Variants in DAB1 observed in about 807,000 individuals in gnomAD.
DAB1 encodes the protein disabled homolog 1.
In DAB1, 15 loss-of-function variants were observed where a neutral mutation model predicts 64.6. That is an observed-to-expected ratio of 0.23 (90% CI 0.16 to 0.36). DAB1 has a LOEUF of 0.36. Among genes scored for constraint, DAB1 ranks in the 10% least tolerant of loss-of-function variants. The pLI, the probability that DAB1 is intolerant of heterozygous loss-of-function variation, is 1.00. For synonymous variants in DAB1, 235 were observed against 251.9 expected, an observed-to-expected ratio of 0.93 and a Z score of 0.64; for missense variants, 596 against 706.7, an observed-to-expected ratio of 0.84 and a Z score of 1.78.
At chr1:57,895,170 G>C (rs1644374440) in intron 5 of DAB1, among the ~76,000 whole-genome samples, 1 of 152,076 alleles carries the variant, frequency 6.6e-6, no homozygotes, top group Admixed American at 6.6e-5. Flanking sequence ...AGTCTAATGG[G>C]TAACTATGGG....
chr1:58,139,279 A>G (rs1292520745), intron 5 of DAB1, among the ~76,000 whole-genome samples: 3 of 152,138 alleles, frequency 2.0e-5, no homozygotes, highest in Non-Finnish European at 4.4e-5. Flanking sequence ...TCTGCCACCC[A>G]TGATGTTTAC....
chr1:57,355,373 G>A (rs536247874), intron 1 of DAB1, among the ~76,000 whole-genome samples: 15 of 132,466 alleles, frequency 1.1e-4, no homozygotes, highest in South Asian at 2.4e-4. Flanking sequence ...TCCTTCCTTC[G>A]TTCCTTCCTT....
chr1:57,980,982 C>G (rs1458790648), intron 5 of DAB1, among the ~76,000 whole-genome samples: 4 of 151,254 alleles, frequency 2.6e-5, no homozygotes, highest in African/African-American at 4.9e-5. Context: ...GAGATAGATA[C>G]ATACATACAT....
intron 1 of DAB1, among the ~76,000 whole-genome samples, chr1:57,304,195 G>A (rs1673935491): frequency 6.6e-6 from 1 of 152,144 alleles, no homozygotes; most frequent in African/African-American, 2.4e-5. Flanking sequence ...GTGAAAACAG[G>A]AGCAGGAGAG....
At chr1:57,724,786 C>A (rs1647189905) in intron 6 of DAB1, among the ~76,000 whole-genome samples, 1 of 152,150 alleles carries the variant, frequency 6.6e-6, no homozygotes, top group African/African-American at 2.4e-5. Context: ...ACCAAGCTTG[C>A]CTGCTTCCCT....
Position 57,305,408 on chromosome 1 carries a change from C to T in DAB1, c.-136-14242G>A, listed in dbSNP as rs184910105. 2.2e-3 allele frequency among the ~76,000 whole-genome samples: 330 copies of T among 152,288 alleles called. 1 individual carries two copies. The highest frequency in any genetic ancestry group is 7.7e-3 in the African/African-American group (321 of 41,574). On this transcript the variant is annotated intron_variant, in intron 1 of 14. Transcript: ENST00000371236. ...GCCTCCTGCTAGGACCCAGCACTGG[C>T]TAATCCCCGTAAGTGGCCAAAGGGT...
chr1:57,479,097 A>T (rs1209665080), intron 7 of DAB1, among the ~76,000 whole-genome samples: 1 of 152,208 alleles, frequency 6.6e-6, no homozygotes, highest in Non-Finnish European at 1.5e-5. Context: ...TACAAAAAAA[A>T]AACTTTTCTT....
At chr1:57,506,334 C>T (rs1032135557) in intron 7 of DAB1, among the ~76,000 whole-genome samples, 1 of 151,182 alleles carries the variant, frequency 6.6e-6, no homozygotes, top group Non-Finnish European at 1.5e-5. Context: ...GTTTCCTGAT[C>T]AGTTTTGCTT....
intron 3 of DAB1, among the ~76,000 whole-genome samples, chr1:58,417,734 C>G (rs1252815039): frequency 6.6e-6 from 1 of 152,172 alleles, no homozygotes; most frequent in Non-Finnish European, 1.5e-5. Flanking sequence ...GCCACAGATG[C>G]CACTTAGTGC....
intron 1 of DAB1, among the ~76,000 whole-genome samples, chr1:57,877,991 C>A (rs1013816412): frequency 2.6e-5 from 4 of 152,170 alleles, no homozygotes; most frequent in Non-Finnish European, 5.9e-5. Context: ...CTCTTAATAT[C>A]TTAACGCACT....
In DAB1 at chr1:57,081,046, A is replaced by G. The variant is rs762931417; in HGVS notation, c.307-8632T>C. The stretch of plus-strand genomic sequence containing the variant: ...CATATATGGAAGTTGGGAGCTCCTT[A>G]TTTTACTAAACATATAGTTTGTATA... On this transcript the variant is annotated intron_variant, in intron 4 of 14. Transcript: ENST00000371236. Among the ~76,000 whole-genome samples, 112 of 152,200 alleles carry G rather than the reference A, an allele frequency of 7.4e-4. 1 individual carries two copies. Among genetic ancestry groups the G allele is most frequent in the Non-Finnish European group, 8.2e-4 (56 of 68,028 alleles).
chr1:57,366,836 T>C (rs1450306884), intron 1 of DAB1, among the ~76,000 whole-genome samples: 1 of 152,010 alleles, frequency 6.6e-6, no homozygotes, highest in African/African-American at 2.4e-5. Context: ...GAGTTTATGT[T>C]TTTAACCTCC....
chr1:57,101,438 C>T (rs1172625000), intron 4 of DAB1, among the ~76,000 whole-genome samples: 2 of 152,188 alleles, frequency 1.3e-5, no homozygotes, highest in Non-Finnish European at 2.9e-5. Context: ...CTCAGTTTTG[C>T]ACATTTGCAA....
At chr1:57,821,633 G>C (rs151101134), downstream of DAB1, among the ~76,000 whole-genome samples, 1,915 of 152,324 alleles carry the variant, frequency 0.013, 35 homozygotes, top group Non-Finnish European at 0.018. Flanking sequence ...TATTGAGTAA[G>C]AGAATATTTG....
rs773240227 is a variant in DAB1, at chr1:57,277,765, G to A, written c.67+13199C>T. Among the ~76,000 whole-genome samples the A allele has an allele frequency of 6.0e-4, 91 of 152,080 alleles. 1 individual carries two copies. Among genetic ancestry groups the A allele is most frequent in the Admixed American group, 3.3e-4 (5 of 15,254 alleles). On this transcript the variant is annotated intron_variant, in intron 2 of 14. Coordinates refer to ENST00000371236, the MANE Select transcript of DAB1 (RefSeq NM_001365792.1). ...ATTGTTGGAGATAATTCTCCTTCCC[G>A]TGCACATTTGTCAAAGGCAGTTTCC...
chr1:58,298,759 A>C (rs1315082745), intron 4 of DAB1, among the ~76,000 whole-genome samples: 1 of 152,208 alleles, frequency 6.6e-6, no homozygotes, highest in East Asian at 1.9e-4. Context: ...GGCCTGGAGG[A>C]GGCAAGATCA....
At chr1:57,678,664 G>A (rs1014189054) in intron 6 of DAB1, among the ~76,000 whole-genome samples, 4 of 151,806 alleles carry the variant, frequency 2.6e-5, no homozygotes, top group African/African-American at 7.3e-5. Flanking sequence ...TAGTATTGAT[G>A]TGATGATTAT....
chr1:57,497,958 G>A (rs773283659), intron 7 of DAB1, among the ~76,000 whole-genome samples: 5 of 152,210 alleles, frequency 3.3e-5, no homozygotes, highest in Non-Finnish European at 4.4e-5. Flanking sequence ...GATCAGTCAG[G>A]AGGCCCTTGC....
intron 7 of DAB1, among the ~76,000 whole-genome samples, chr1:57,552,886 A>C (rs1644930688): frequency 6.6e-6 from 1 of 152,160 alleles, no homozygotes. Context: ...AAAATCTGGG[A>C]AACAGATGAT....
Sources: gnomAD v4.1 joint callset for allele counts (sites outside exome capture counted in the v4.1 genomes callset) on GRCh38, gnomAD v4.1.1 for gene constraint, MANE v1.5 for transcripts, NCBI Gene and HGNC (gene_info 2026-07-23, HGNC 2026-07-21) for gene names.